Variants in LEF1 observed in about 807,000 individuals in gnomAD.
The protein encoded by LEF1 is lymphoid enhancer binding factor 1, also known as lymphoid enhancer-binding factor 1.
Under a neutral mutation model 51.2 loss-of-function variants are expected in LEF1, and 14 were observed. The ratio of observed to expected loss-of-function variants is 0.27; its 90% CI spans 0.18 to 0.43. The LOEUF is 0.43. LEF1 is among the 20% of genes least tolerant of loss of function. LEF1 has a pLI of 1.00. For synonymous variants in LEF1, 185 were observed against 183.2 expected, an observed-to-expected ratio of 1.01 and a Z score of -0.08; for missense variants, 386 against 512.0, an observed-to-expected ratio of 0.75 and a Z score of 2.37.
chr4:108,150,575 C>T (rs1176398450), intron 3 of LEF1, among the ~76,000 whole-genome samples: 2 of 152,116 alleles, frequency 1.3e-5, no homozygotes, highest in Non-Finnish European at 2.9e-5. Flanking sequence ...ATAACAGATA[C>T]CTTTAATCCT....
intron 11 of LEF1, among the ~76,000 whole-genome samples, chr4:108,062,698 AT>A (rs1737778360): frequency 6.6e-6 from 1 of 152,236 alleles, no homozygotes; most frequent in South Asian, 2.1e-4. Context: ...CAGAAAAATT[AT>A]TAACGTGTAT....
chr4:108,071,065 T>C (rs1430238746), intron 8 of LEF1, among the ~76,000 whole-genome samples: 1 of 152,204 alleles, frequency 6.6e-6, no homozygotes, highest in African/African-American at 2.4e-5. Context: ...TCTTTTCCAA[T>C]ATAAATTAAA....
At chr4:108,119,019 G>C (rs1385409938) in intron 3 of LEF1, among the ~76,000 whole-genome samples, 1 of 151,160 alleles carries the variant, frequency 6.6e-6, no homozygotes, top group Non-Finnish European at 1.5e-5. Flanking sequence ...TACATGATTT[G>C]TGATGAAATA....
At chr4:108,108,360 C>A (rs1741304959) in intron 3 of LEF1, among the ~76,000 whole-genome samples, 1 of 152,134 alleles carries the variant, frequency 6.6e-6, no homozygotes, top group Non-Finnish European at 1.5e-5. Context: ...CTCTTTCTTA[C>A]TTTCAGCTTC....
rs993029043 is a variant in LEF1 at position 108,081,735 on chromosome 4, T to C, written c.639-66A>G. The stretch of plus-strand genomic sequence containing the variant: ...CCAGTTACCAACCAGTAGTAAGAGT[T>C]GGATGAGGGGAGAAGAGGGAGATAT... On this transcript the variant is annotated intron_variant, in intron 5 of 11. Transcript: ENST00000265165. The C allele has an allele frequency of 1.4e-5, 16 of 1,117,098 alleles. No individual in the cohort carries two copies. In the African/African-American group the frequency reaches 2.2e-4, roughly 15 times the overall value. 69.2% of individuals were successfully genotyped at this position (1,117,098 alleles called of 1,614,324 possible).
rs201346697 is a variant in LEF1, at chr4:108,165,202, C to T, written c.214-39G>A. On this transcript the variant is annotated intron_variant, in intron 1 of 11. Transcript: ENST00000265165. Reference sequence around the variant, plus strand: ...TCCCCACACCCAAAAGAAAGAAAATCACCTTAGAGTTTGTGACAATAATGG... The same window carrying T: ...TCCCCACACCCAAAAGAAAGAAAATTACCTTAGAGTTTGTGACAATAATGG... The T allele has an allele frequency of 1.3e-6, 2 of 1,586,166 alleles. 1 individual carries two copies. Among genetic ancestry groups the T allele is most frequent in the South Asian group, 2.2e-5 (2 of 90,516 alleles).
intron 2 of LEF1, among the ~76,000 whole-genome samples, chr4:108,164,480 T>G (rs1297408522): frequency 3.3e-5 from 5 of 152,212 alleles, no homozygotes; most frequent in Non-Finnish European, 7.4e-5. Flanking sequence ...TAAGGTTACT[T>G]GATTCTTTTA....
intron 3 of LEF1, among the ~76,000 whole-genome samples, chr4:108,102,134 A>G (rs1406442728): frequency 1.3e-5 from 2 of 152,150 alleles, no homozygotes; most frequent in African/African-American, 4.8e-5. Flanking sequence ...AAATGGATCA[A>G]TGCCACATTG....
rs1261292608 is a variant in LEF1 at position 108,083,383 on chromosome 4, A to C, written c.611T>G (p.Val204Gly). 6 of 1,613,700 alleles carry C rather than the reference A, an allele frequency of 3.7e-6. No homozygotes were observed. The highest frequency in any genetic ancestry group is 2.2e-5 in the East Asian group (1 of 44,884). Reference protein sequence around the residue: ...PTFYPLSPGGVGQITPPLGWQ... With the variant: ...PTFYPLSPGGGGQITPPLGWQ... Reference sequence around the variant, plus strand: ...GCCAAGAGGTGGGGTGATCTGTCCAACACCACCCGGAGACAAGGGATAAAA... The same window carrying C: ...GCCAAGAGGTGGGGTGATCTGTCCACCACCACCCGGAGACAAGGGATAAAA... The change falls in exon 5 of 12, where the codon GTT becomes GGT. Residue 204 changes from valine (V) to glycine (G), a missense_variant. Around this residue, in one of 2 missense-constraint regions of LEF1, gnomAD observed 335 missense variants for 390.7 expected, o/e 0.86. Transcript: ENST00000265165.
intron 3 of LEF1, among the ~76,000 whole-genome samples, chr4:108,116,908 T>C: frequency 6.6e-6 from 1 of 152,188 alleles, no homozygotes; most frequent in East Asian, 1.9e-4. Context: ...ACTGTGTAAG[T>C]GCCCACAAGT....
Position 108,167,606 on chromosome 4 carries a change from C to T in LEF1, c.162G>A (p.Lys54=). 1 of 1,614,224 alleles carries T rather than the reference C, an allele frequency of 6.2e-7. No individual in the cohort carries two copies. The highest frequency in any genetic ancestry group is 1.1e-5 in the South Asian group (1 of 91,084). ...TTTCAGACTCGTTCACCAAGGAAGA[C>T]TTGATGTCAGCTAAATCGCCTTCCT... is the stretch of plus-strand genomic sequence containing the variant. The part of the protein sequence containing the change: ...PEEEGDLADI[K]SSLVNESEII... The change falls in exon 1 of 12, where the codon AAG becomes AAA. Residue 54 remains lysine, a synonymous_variant. Coordinates refer to ENST00000265165, the MANE Select transcript of LEF1 (RefSeq NM_016269.5). The surrounding 1 kb of genome is among the most constrained non-coding windows in gnomAD (Gnocchi z 5.7).
At chr4:108,050,959 C>T (rs1736950380) in intron 11 of LEF1, among the ~76,000 whole-genome samples, 1 of 152,202 alleles carries the variant, frequency 6.6e-6, no homozygotes, top group African/African-American at 2.4e-5. Context: ...TGTCCCTTCA[C>T]TGCCTTACCT....
intron 11 of LEF1, among the ~76,000 whole-genome samples, chr4:108,052,693 ATGAC>A (rs1737079789): frequency 6.6e-6 from 1 of 152,162 alleles, no homozygotes; most frequent in South Asian, 2.1e-4. Flanking sequence ...TGGTCATAAA[ATGAC>A]TGGCCCATGG....
intron 9 of LEF1, among the ~76,000 whole-genome samples, chr4:108,070,242 C>G (rs993383634): frequency 6.6e-6 from 1 of 151,422 alleles, no homozygotes; most frequent in Admixed American, 6.6e-5. Context: ...TATATAAGAT[C>G]GAGAAGTATG....
Position 108,064,354 on chromosome 4 carries a change from G to GT in LEF1, c.1146dup (p.Leu383ThrfsTer47). The GT allele has an allele frequency of 1.9e-6, 3 of 1,612,196 alleles. No homozygotes were observed. The highest frequency in any genetic ancestry group is 2.5e-6 in the Non-Finnish European group (3 of 1,178,362). ...TGCCTACCTGATGCAGATTCCTGTAGTTTCTCTCTCTTCCTCTTCTTTTTC... is the reference window on the plus strand; with the variant it reads ...TGCCTACCTGATGCAGATTCCTGTAGTTTTCTCTCTCTTCCTCTTCTTTTTC... On this transcript the variant is annotated frameshift_variant, in exon 10 of 12. Transcript: ENST00000265165. LOFTEE classifies it high-confidence loss of function.
In LEF1 at chr4:108,167,789, G is replaced by T; in HGVS notation, c.-22C>A. ...GCATCCCGGCGGCTCTGTAATCTCC[G>T]CTCCGCTGTGGGAGCACCCGCGCAA... On this transcript the variant is annotated 5_prime_UTR_variant, in exon 1 of 12. Transcript: ENST00000265165. The surrounding 1 kb of genome is among the most constrained non-coding windows in gnomAD (Gnocchi z 5.7). 6.2e-7 allele frequency: 1 copy of T among 1,604,676 alleles called. No individual in the cohort carries two copies.
chr4:108,077,991 T>C (rs1422039000), intron 8 of LEF1, among the ~76,000 whole-genome samples: 3 of 152,132 alleles, frequency 2.0e-5, no homozygotes, highest in Admixed American at 2.0e-4. Context: ...CAGTGAACTA[T>C]GATCATACCA....
At chr4:108,078,920 C>T (rs1739095414) in intron 7 of LEF1, among the ~76,000 whole-genome samples, 1 of 152,186 alleles carries the variant, frequency 6.6e-6, no homozygotes, top group African/African-American at 2.4e-5. Flanking sequence ...CATGCTGCCT[C>T]TCACCCCCAC....
chr4:108,165,187 C>G, intron 1 of LEF1, 24 bp from the exon 2 acceptor site: 3 of 1,608,814 alleles, frequency 1.9e-6, no homozygotes, highest in Non-Finnish European at 2.6e-6. Flanking sequence ...TCCCCACACC[C>G]AAAAGAAAGA....
Sources: gnomAD v4.1 joint callset for allele counts (sites outside exome capture counted in the v4.1 genomes callset) on GRCh38, gnomAD v4.1.1 for gene constraint, gnomAD v4.1.1 regional missense constraint, Gnocchi (gnomAD v3.1) non-coding constraint, MANE v1.5 for transcripts, NCBI Gene and HGNC (gene_info 2026-07-23, HGNC 2026-07-21) for gene names.